KCNMA1: variants seen among roughly 807,000 people sequenced by gnomAD.
KCNMA1 encodes the protein potassium calcium-activated channel subfamily M alpha 1.
KCNMA1 carries 29 observed loss-of-function variants against 140.0 expected under a neutral mutation model. The ratio of observed to expected loss-of-function variants is 0.21; its 90% confidence interval spans 0.15 to 0.28. The LOEUF is 0.28. Ranked by LOEUF, KCNMA1 falls within the 10% of genes least tolerant of loss-of-function variation. KCNMA1 has a pLI of 1.00. For synonymous variants in KCNMA1, 612 were observed against 611.9 expected (o/e 1.00, Z 0.00); for missense variants, 880 against 1,602.2 (o/e 0.55, Z 7.70).
At chr10:76,947,675 T>C (rs1228695739) in intron 22 of KCNMA1, among the ~76,000 whole-genome samples, 1 of 152,232 alleles carries the variant, frequency 6.6e-6, no homozygotes, top group African/African-American at 2.4e-5. Flanking sequence ...TATTTTCAAC[T>C]GCCTGTGCTC....
chr10:77,611,300 G>A (rs990934028), intron 1 of KCNMA1, among the ~76,000 whole-genome samples: 1 of 152,220 alleles, frequency 6.6e-6, no homozygotes, highest in Non-Finnish European at 1.5e-5. Context: ...TGACAAGGTT[G>A]AGCAGATCAG....
chr10:77,105,849 C>A (rs1037435876), intron 9 of KCNMA1, among the ~76,000 whole-genome samples: 14 of 152,158 alleles, frequency 9.2e-5, no homozygotes, highest in Non-Finnish European at 1.6e-4. Flanking sequence ...CAACTAAAGA[C>A]CTTATATTGC....
intron 2 of KCNMA1, among the ~76,000 whole-genome samples, chr10:77,379,624 G>A (rs1437985814): frequency 6.6e-6 from 1 of 151,760 alleles, no homozygotes; most frequent in Non-Finnish European, 1.5e-5. Context: ...GAACTAAAGA[G>A]AAACTTTCTT....
intron 2 of KCNMA1, among the ~76,000 whole-genome samples, chr10:77,371,215 C>T (rs893295197): frequency 1.3e-5 from 2 of 152,148 alleles, no homozygotes; most frequent in South Asian, 2.1e-4. Flanking sequence ...TTGTGGTTCT[C>T]GGGCAAGGTG....
intron 18 of KCNMA1, among the ~76,000 whole-genome samples, chr10:77,002,508 G>T (rs970471286): frequency 6.6e-6 from 1 of 152,070 alleles, no homozygotes; most frequent in African/African-American, 2.4e-5. Context: ...CGCCAAAATC[G>T]ATTAAAACTG....
chr10:77,201,741 G>A (rs868242542), intron 3 of KCNMA1, among the ~76,000 whole-genome samples: 12 of 152,022 alleles, frequency 7.9e-5, no homozygotes, highest in Admixed American at 7.2e-4. Flanking sequence ...GAATTTCATT[G>A]TGCTGATGGA....
chr10:77,079,885 G>A (rs1247778), intron 12 of KCNMA1, among the ~76,000 whole-genome samples: 90,651 of 151,988 alleles, frequency 0.6, 27,212 homozygotes, highest in East Asian at 0.76. Context: ...TTTCAAGCCC[G>A]TTGTCCAATT....
intron 17 of KCNMA1, among the ~76,000 whole-genome samples, chr10:77,017,362 G>C (rs2092255036): frequency 6.6e-6 from 1 of 152,154 alleles, no homozygotes; most frequent in African/African-American, 2.4e-5. Flanking sequence ...TCTTCTCCAG[G>C]AGACCTGATT....
chr10:76,980,558 A>G (rs1319891403), intron 19 of KCNMA1: 2 of 152,170 alleles, frequency 1.3e-5, no homozygotes, highest in African/African-American at 4.8e-5. Flanking sequence ...CACATGTGGG[A>G]CAATCTTTAA....
At chr10:77,238,193 C>T (rs983953706) in intron 3 of KCNMA1, among the ~76,000 whole-genome samples, 37 of 152,202 alleles carry the variant, frequency 2.4e-4, no homozygotes, top group Non-Finnish European at 3.7e-4. Flanking sequence ...CATAGAGATC[C>T]CTGGCGACTC....
At chr10:77,369,795 G>A (rs971915456) in intron 2 of KCNMA1, among the ~76,000 whole-genome samples, 2 of 152,212 alleles carry the variant, frequency 1.3e-5, no homozygotes, top group Non-Finnish European at 2.9e-5. Context: ...GTGCACACAA[G>A]AGAAATGTCC....
intron 3 of KCNMA1, among the ~76,000 whole-genome samples, chr10:77,230,551 T>C (rs964855254): frequency 6.6e-6 from 1 of 152,224 alleles, no homozygotes; most frequent in Non-Finnish European, 1.5e-5. Flanking sequence ...AAATGAGCTG[T>C]CAGTCTGTCC....
At chr10:77,058,864 A>C (rs1247777) in intron 14 of KCNMA1, among the ~76,000 whole-genome samples, 97,414 of 151,596 alleles carry the variant, frequency 0.64, 31,381 homozygotes, top group Admixed American at 0.68. Flanking sequence ...AAGAGGAGCA[A>C]AGTAAATCTA....
intron 23 of KCNMA1, among the ~76,000 whole-genome samples, chr10:76,928,254 TACACACACAC>T (rs57777811): frequency 8.3e-4 from 120 of 144,820 alleles, no homozygotes; most frequent in Non-Finnish European, 1.5e-3. Flanking sequence ...TTCAGAAAAA[TACACACACAC>T]ACACACACAC....
intron 5 of KCNMA1, among the ~76,000 whole-genome samples, chr10:77,157,631 C>T (rs1309173879): frequency 6.6e-6 from 1 of 152,090 alleles, no homozygotes; most frequent in East Asian, 1.9e-4. Flanking sequence ...CACGCTGGAG[C>T]AAAATAAGAG....
chr10:77,371,846 C>A (rs2094745874), intron 2 of KCNMA1, among the ~76,000 whole-genome samples: 1 of 152,176 alleles, frequency 6.6e-6, no homozygotes, highest in Non-Finnish European at 1.5e-5. Flanking sequence ...TCCCCTCCTA[C>A]AATGTCCTCC....
At chr10:77,077,632 A>G (rs1565945082) in intron 13 of KCNMA1, among the ~76,000 whole-genome samples, 1 of 152,244 alleles carries the variant, frequency 6.6e-6, no homozygotes, top group South Asian at 2.1e-4. Context: ...TAATTTTCCT[A>G]TTCAATCTAA....
chr10:77,238,838 A>C (rs1384643763), intron 3 of KCNMA1, among the ~76,000 whole-genome samples: 1 of 152,220 alleles, frequency 6.6e-6, no homozygotes, highest in Non-Finnish European at 1.5e-5. Flanking sequence ...GGTACCTGGC[A>C]GGCAAAATTT....
chr10:76,965,229 T>C (rs2073404521), intron 20 of KCNMA1, among the ~76,000 whole-genome samples: 4 of 152,102 alleles, frequency 2.6e-5, no homozygotes, highest in Admixed American at 6.5e-5. Flanking sequence ...ACTAGGATGA[T>C]TTTAGAGGAA....
Sources: gnomAD v4.1 joint callset for allele counts (sites outside exome capture counted in the v4.1 genomes callset) on GRCh38, gnomAD v4.1.1 for gene constraint, MANE v1.5 for transcripts, NCBI Gene and HGNC (gene_info 2026-07-23, HGNC 2026-07-21) for gene names.